The following IFT80 variants were observed in gnomAD, a reference collection of about 807,000 sequenced individuals.
IFT80 encodes intraflagellar transport protein 80 homolog.
Under a neutral mutation model 107.9 loss-of-function variants are expected in IFT80, and 79 were observed. The ratio of observed to expected loss-of-function variants is 0.73; its 90% CI spans 0.61 to 0.88. The LOEUF (loss-of-function observed/expected upper bound fraction) is 0.88, where lower values mean the gene tolerates loss of function less well. IFT80 is among the 40% of genes least tolerant of loss of function. The pLI is 0.00. For missense variants in IFT80, 797 were observed against 914.2 expected (o/e 0.87, Z 1.65); for synonymous variants, 299 against 300.9 (o/e 0.99, Z 0.07).
chr3:160,357,436 G>T, intron 7 of IFT80, 53 bp downstream of exon 7: 1 of 961,250 alleles, frequency 1.0e-6, no homozygotes, highest in Non-Finnish European at 1.7e-6. Flanking sequence ...TATATGCTAA[G>T]TACTTATAAA....
intron 19 of IFT80, 142 bp from the exon 20 acceptor site, chr3:160,258,777 A>G (rs1017353319): frequency 7.8e-5 from 90 of 1,149,882 alleles, no homozygotes; most frequent in Non-Finnish European, 1.8e-5. Flanking sequence ...GATTAGAGAA[A>G]AAGAGAGCAT....
intron 8 of IFT80, among the ~76,000 whole-genome samples, chr3:160,344,277 A>T (rs1720124477): frequency 6.6e-6 from 1 of 151,934 alleles, no homozygotes; most frequent in African/African-American, 2.4e-5. Context: ...GGTATTTTCT[A>T]TTTGTTCAGA....
chr3:160,263,484 A>G (rs1211389514), intron 19 of IFT80, among the ~76,000 whole-genome samples: 1 of 152,068 alleles, frequency 6.6e-6, no homozygotes. Context: ...ACTTTTCCCA[A>G]CCAGTATTCC....
rs550922501 is a variant in IFT80 at position 160,280,748 on chromosome 3, C to A, written c.1583G>T (p.Arg528Leu). The A allele has an allele frequency of 8.1e-6, 13 of 1,612,572 alleles. No individual in the cohort carries two copies. Among genetic ancestry groups the A allele is most frequent in the Non-Finnish European group, 1.1e-5 (13 of 1,178,846 alleles). ...CNILCGLQDT[R>L]FIVWYYPNTV... ...ATTGGGGTAATACCACACTATAAAT[C>A]GAGTATCTTGAAGTCCACAAAGGAT... Residue 528 changes from arginine (R) to leucine (L), a missense_variant, in exon 15 of 20, where the codon CGA becomes CTA. Physicochemically the swap from Arg to Leu is moderately radical, Grantham distance 102. Transcript: ENST00000326448.
chr3:160,289,982 T>C (rs1031144460), intron 12 of IFT80, among the ~76,000 whole-genome samples: 31 of 152,084 alleles, frequency 2.0e-4, no homozygotes, highest in African/African-American at 7.5e-4. Flanking sequence ...CAAGGGTTGG[T>C]AGAATTAAGG....
intron 8 of IFT80, among the ~76,000 whole-genome samples, chr3:160,321,594 T>A (rs1232127992): frequency 6.6e-6 from 1 of 151,968 alleles, no homozygotes. Context: ...TACATACCTA[T>A]GTTAAAGTTT....
chr3:160,265,434 T>A (rs1456896542), intron 19 of IFT80, among the ~76,000 whole-genome samples: 1 of 152,220 alleles, frequency 6.6e-6, no homozygotes, highest in Admixed American at 6.5e-5. Flanking sequence ...CTTTTTCTTT[T>A]TCCTAGCAAA....
chr3:160,319,356 A>G (rs1718039582), intron 9 of IFT80, among the ~76,000 whole-genome samples: 1 of 152,022 alleles, frequency 6.6e-6, no homozygotes, highest in Admixed American at 6.6e-5. Context: ...AATCAGGTTA[A>G]ATAAGTTCAT....
chr3:160,385,979 A>G (rs541433825), intron 1 of IFT80, among the ~76,000 whole-genome samples: 6 of 152,368 alleles, frequency 3.9e-5, no homozygotes, highest in African/African-American at 1.4e-4. Context: ...TACTATTACA[A>G]TCAGAAACTT....
At chr3:160,387,855 G>C (rs2108414382) in intron 1 of IFT80, among the ~76,000 whole-genome samples, 1 of 152,242 alleles carries the variant, frequency 6.6e-6, no homozygotes, top group East Asian at 1.9e-4. Context: ...TCAATGGCCT[G>C]GAAATCCTAC....
At chr3:160,359,641 T>C (rs1721352158) in intron 6 of IFT80, among the ~76,000 whole-genome samples, 1 of 152,120 alleles carries the variant, frequency 6.6e-6, no homozygotes, top group Admixed American at 6.5e-5. Context: ...AGAGGAAGGA[T>C]CAGGCAGCAA....
Position 160,367,139 on chromosome 3 carries a change from A to G in IFT80, c.440-987T>C, listed in dbSNP as rs1243409665. Among the ~76,000 whole-genome samples the G allele has an allele frequency of 1.3e-5, 2 of 151,984 alleles. 1 individual carries two copies. Among genetic ancestry groups the G allele is most frequent in the African/African-American group, 4.8e-5 (2 of 41,426 alleles). ...TTTTTTTATGGCTGAATAGTACTCC[A>G]CTGTATATAAGTACCACATTTTCTT... On this transcript the variant is annotated intron_variant, in intron 5 of 19. Transcript: ENST00000326448.
rs536612011 is a variant in IFT80, at chr3:160,263,372, T to C, written c.2224-4737A>G. 1.2e-4 allele frequency among the ~76,000 whole-genome samples: 18 copies of C among 152,360 alleles called. No individual in the cohort carries two copies. The South Asian group carries it at 3.5e-3, about 30-fold the overall frequency. Reference sequence around the variant, plus strand: ...CCTCTAAGCTATCTTTCACGTCTGATGTTATCTTTCAAGTCATTCTCTTGA... The same window carrying C: ...CCTCTAAGCTATCTTTCACGTCTGACGTTATCTTTCAAGTCATTCTCTTGA... On this transcript the variant is annotated intron_variant, in intron 19 of 19. Transcript: ENST00000326448.
intron 8 of IFT80, among the ~76,000 whole-genome samples, chr3:160,332,445 T>A (rs891238661): frequency 6.6e-6 from 1 of 152,142 alleles, no homozygotes; most frequent in Non-Finnish European, 1.5e-5. Flanking sequence ...TGGGGTTGTT[T>A]GAAGGGAGCA....
chr3:160,323,503 T>C (rs1329861753), intron 8 of IFT80, among the ~76,000 whole-genome samples: 2 of 151,888 alleles, frequency 1.3e-5, no homozygotes, highest in Non-Finnish European at 2.9e-5. Flanking sequence ...TGGCTTAGGA[T>C]TGAACAACCT....
intron 9 of IFT80, among the ~76,000 whole-genome samples, chr3:160,316,333 C>A (rs1266080233): frequency 6.6e-6 from 1 of 152,140 alleles, no homozygotes; most frequent in Non-Finnish European, 1.5e-5. Context: ...GAAAGCAAAT[C>A]TTTCCCCAGT....
At chr3:160,268,332 TCA>T in intron 19 of IFT80, 79 bp downstream of exon 19, 1 of 1,266,626 alleles carries the variant, frequency 7.9e-7, no homozygotes, top group Non-Finnish European at 1.1e-6. Flanking sequence ...TTTGAATCAT[TCA>T]CATTTTGTCT....
chr3:160,368,978 G>C (rs1358720945), intron 5 of IFT80, among the ~76,000 whole-genome samples: 1 of 151,836 alleles, frequency 6.6e-6, no homozygotes, highest in Non-Finnish European at 1.5e-5. Context: ...AGGCACGGTT[G>C]GGGTACAGAA....
intron 9 of IFT80, among the ~76,000 whole-genome samples, chr3:160,318,405 A>C (rs1717974490): frequency 6.6e-6 from 1 of 152,082 alleles, no homozygotes; most frequent in African/African-American, 2.4e-5. Context: ...TGAATACTGA[A>C]GATAGAGGCA....
Sources: allele counts gnomAD v4.1 joint callset (sites outside exome capture counted in the v4.1 genomes callset), GRCh38; gene constraint gnomAD v4.1.1; transcripts MANE v1.5; gene names NCBI Gene and HGNC (gene_info 2026-07-23, HGNC 2026-07-21).